The following TACR1 variants were observed in gnomAD, a reference collection of about 807,000 sequenced individuals.
The protein encoded by TACR1 is substance-P receptor.
In TACR1, 25 loss-of-function variants were observed where a neutral mutation model predicts 35.8. The observed-to-expected ratio is 0.70, with a 90% confidence interval of 0.51 to 0.98. The LOEUF is 0.98. Among genes scored for constraint, TACR1 ranks in the 50% least tolerant of loss-of-function variants. The pLI is 0.00. For synonymous variants in TACR1, 195 were observed against 206.7 expected, an observed-to-expected ratio of 0.94 and a Z score of 0.48; for missense variants, 478 against 522.9, an observed-to-expected ratio of 0.91 and a Z score of 0.84.
intron 1 of TACR1, among the ~76,000 whole-genome samples, chr2:75,155,757 A>T (rs1171359515): frequency 6.6e-6 from 1 of 152,276 alleles, no homozygotes; most frequent in Non-Finnish European, 1.5e-5. Flanking sequence ...ATGTCAAGAG[A>T]CATAGAAACA....
intron 1 of TACR1, among the ~76,000 whole-genome samples, chr2:75,186,477 A>G (rs1167584771): frequency 2.7e-5 from 4 of 150,052 alleles, no homozygotes; most frequent in Non-Finnish European, 4.4e-5. Flanking sequence ...TTTTACATTT[A>G]TTTTTCTTCA....
chr2:75,145,689 A>T (rs905524652), intron 1 of TACR1, among the ~76,000 whole-genome samples: 1 of 152,242 alleles, frequency 6.6e-6, no homozygotes, highest in Non-Finnish European at 1.5e-5. Flanking sequence ...AAACTGTCAA[A>T]TATTCCTTTA....
chr2:75,176,140 T>C (rs1430872509), intron 1 of TACR1, among the ~76,000 whole-genome samples: 1 of 152,050 alleles, frequency 6.6e-6, no homozygotes, highest in African/African-American at 2.4e-5. Flanking sequence ...TCTATCCTAA[T>C]GTTGTGTGTC....
intron 1 of TACR1, among the ~76,000 whole-genome samples, chr2:75,170,547 GT>G (rs1371315626): frequency 6.6e-6 from 1 of 152,184 alleles, no homozygotes; most frequent in African/African-American, 2.4e-5. Flanking sequence ...ACAGGCAGCG[GT>G]TGGAACAGTT....
intron 1 of TACR1, among the ~76,000 whole-genome samples, chr2:75,175,644 A>T (rs1675393647): frequency 6.6e-6 from 1 of 151,902 alleles, no homozygotes; most frequent in Non-Finnish European, 1.5e-5. Flanking sequence ...GCTGACTTTG[A>T]TCCTCCTCCT....
At chr2:75,183,467 A>T (rs1405303283) in intron 1 of TACR1, among the ~76,000 whole-genome samples, 1 of 152,220 alleles carries the variant, frequency 6.6e-6, no homozygotes, top group Non-Finnish European at 1.5e-5. Context: ...TGTCTTACAA[A>T]ATGCACAGCC....
intron 1 of TACR1, among the ~76,000 whole-genome samples, chr2:75,151,716 C>T (rs1674675905): frequency 6.6e-6 from 1 of 152,108 alleles, no homozygotes; most frequent in Non-Finnish European, 1.5e-5. Flanking sequence ...GAGAAGAGGG[C>T]CACCATCCTC....
At chr2:75,119,083 G>A (rs1157998197) in intron 2 of TACR1, 1 of 152,228 alleles carries the variant, frequency 6.6e-6, no homozygotes, top group African/African-American at 2.4e-5. Context: ...CCATGCTCAT[G>A]GAACAGATGC....
At chr2:75,109,779 A>T (rs1026298063) in intron 2 of TACR1, among the ~76,000 whole-genome samples, 3 of 152,254 alleles carry the variant, frequency 2.0e-5, no homozygotes, top group Non-Finnish European at 4.4e-5. Flanking sequence ...TAATCTCTTC[A>T]TCTTACAGTT....
rs72824221 is a variant in TACR1 at position 75,047,216 on chromosome 2, G to C, written c.*2216C>G. On this transcript the variant is annotated 3_prime_UTR_variant, in exon 5 of 5. Coordinates refer to ENST00000305249, the MANE Select transcript of TACR1 (RefSeq NM_001058.4). ...GCCAGCTCCCTTTGGAAGTACCCCA[G>C]AGAACTCTCATTCCAGAGGCTCTCC... 0.069 allele frequency: 10,480 copies of C among 152,320 alleles called. 521 individuals are homozygous for C. The highest frequency in any genetic ancestry group is 0.097 in the Non-Finnish European group (6,617 of 68,040). 9.4% of individuals were successfully genotyped at this position (152,320 alleles called of 1,614,324 possible). A position where few individuals can be genotyped will look rare whatever the true frequency, so the allele number is the denominator to read the frequency against.
intron 2 of TACR1, among the ~76,000 whole-genome samples, chr2:75,101,247 T>C (rs1673529178): frequency 6.6e-6 from 1 of 152,114 alleles, no homozygotes; most frequent in Admixed American, 6.6e-5. Context: ...GAGATAAAAA[T>C]AATAGAGATG....
At chr2:75,068,912 T>A (rs1461718101) in intron 2 of TACR1, among the ~76,000 whole-genome samples, 4 of 152,216 alleles carry the variant, frequency 2.6e-5, no homozygotes, top group African/African-American at 9.7e-5. Context: ...ACATACTTTT[T>A]AAAATTATAT....
intron 1 of TACR1, among the ~76,000 whole-genome samples, chr2:75,171,595 A>G (rs1332212733): frequency 1.3e-5 from 2 of 152,234 alleles, no homozygotes; most frequent in Non-Finnish European, 2.9e-5. Flanking sequence ...ATGCCAGCCC[A>G]TGAAAGCAGC....
intron 2 of TACR1, among the ~76,000 whole-genome samples, chr2:75,115,830 C>T (rs1673843694): frequency 7.6e-6 from 1 of 132,378 alleles, no homozygotes; most frequent in Non-Finnish European, 1.5e-5. Flanking sequence ...TGGCGTGAAC[C>T]TGGGAGGCGG....
At chr2:75,160,237 T>A (rs1312676018) in intron 1 of TACR1, among the ~76,000 whole-genome samples, 3 of 113,636 alleles carry the variant, frequency 2.6e-5, no homozygotes, top group Non-Finnish European at 5.8e-5. Context: ...CATTAAAGAA[T>A]GAGTAAATAG....
intron 1 of TACR1, among the ~76,000 whole-genome samples, chr2:75,170,088 A>T (rs1006767068): frequency 3.3e-5 from 5 of 152,050 alleles, no homozygotes; most frequent in Non-Finnish European, 7.4e-5. Flanking sequence ...TATTCAGAGA[A>T]CCTAATGCAG....
intron 1 of TACR1, among the ~76,000 whole-genome samples, chr2:75,182,671 C>T (rs988686195): frequency 6.6e-6 from 1 of 152,144 alleles, no homozygotes; most frequent in East Asian, 1.9e-4. Flanking sequence ...TCCAAATTGC[C>T]TACAGTATTT....
At chr2:75,094,859 A>ATATATATATTTTTTTTTTTTTTT in intron 2 of TACR1, among the ~76,000 whole-genome samples, 1 of 113,132 alleles carries the variant, frequency 8.8e-6, no homozygotes, top group African/African-American at 4.8e-5. Flanking sequence ...ATATATATAT[A>ATATATATATTTTTTTTTTTTTTT]TTTTTTTTTT....
rs556946914 is a variant in TACR1 at position 75,147,053 on chromosome 2, A to T, written c.390-26285T>A. On this transcript the variant is annotated intron_variant, in intron 1 of 4. Coordinates refer to ENST00000305249, the MANE Select transcript of TACR1 (RefSeq NM_001058.4). ...AGTCAACTGATCTGAAATGTTTTGC[A>T]ATACTGTGCATTGTTTCAGCCATCA... Among the ~76,000 whole-genome samples, 4 of 152,350 alleles carry T rather than the reference A, an allele frequency of 2.6e-5. No homozygotes were observed. In the South Asian group the frequency reaches 6.2e-4, roughly 24 times the overall value.
Sources: gnomAD v4.1 joint callset for allele counts (sites outside exome capture counted in the v4.1 genomes callset) on GRCh38, gnomAD v4.1.1 for gene constraint, MANE v1.5 for transcripts, NCBI Gene and HGNC (gene_info 2026-07-23, HGNC 2026-07-21) for gene names.